The following LPP variants were observed in gnomAD, a reference collection of about 807,000 sequenced individuals.
LPP encodes lipoma-preferred partner.
Under a neutral mutation model 60.4 loss-of-function variants are expected in LPP, and 38 were observed. The ratio of observed to expected loss-of-function variants is 0.63; its 90% confidence interval spans 0.49 to 0.83. LPP has a LOEUF of 0.83. Among genes scored for constraint, LPP ranks in the 40% least tolerant of loss-of-function variants. The pLI is 0.00. For synonymous variants in LPP, 328 were observed against 290.8 expected, an observed-to-expected ratio of 1.13 and a Z score of -1.30; for missense variants, 902 against 783.6, an observed-to-expected ratio of 1.15 and a Z score of -1.80.
Position 188,876,774 on chromosome 3 carries a change from A to G in LPP, c.*2295A>G, listed in dbSNP as rs1002981778. 14 of 185,210 alleles carry G rather than the reference A, an allele frequency of 7.6e-5. No homozygotes were observed. Among genetic ancestry groups the G allele is most frequent in the Admixed American group, 7.5e-4 (12 of 16,086 alleles). The allele number at this position is 185,210 out of a possible 1,614,324, so 11.5% of individuals were successfully genotyped here. A position where few individuals can be genotyped will look rare whatever the true frequency, so the allele number is the denominator to read the frequency against. ...AAGAAGAAGAATTTATTGAATATTTATACTATAAAATGCAGTAACATTCTA... is the reference window on the plus strand; with the variant it reads ...AAGAAGAAGAATTTATTGAATATTTGTACTATAAAATGCAGTAACATTCTA... On this transcript the variant is annotated 3_prime_UTR_variant, in exon 12 of 12. Transcript: ENST00000617246.
At chr3:188,502,905 A>G (rs1812318482) in intron 5 of LPP, among the ~76,000 whole-genome samples, 1 of 152,120 alleles carries the variant, frequency 6.6e-6, no homozygotes, top group African/African-American at 2.4e-5. Context: ...GACAGAATAG[A>G]TGCTTCAAGT....
chr3:188,188,522 C>G lies in LPP; in HGVS notation c.-190+34270C>G, dbSNP rs564661342. ...GAAGTGTTATTCAGCATGATCATCTCCAACTGGATCATCACCCTTATTCAC... is the reference window on the plus strand; with the variant it reads ...GAAGTGTTATTCAGCATGATCATCTGCAACTGGATCATCACCCTTATTCAC... On this transcript the variant is annotated intron_variant, in intron 1 of 11. Coordinates refer to ENST00000617246, the MANE Select transcript of LPP (RefSeq NM_001375462.1). 8.8e-4 allele frequency among the ~76,000 whole-genome samples: 134 copies of G among 151,844 alleles called. 1 individual carries two copies. Among genetic ancestry groups the G allele is most frequent in the African/African-American group, 3.1e-3 (130 of 41,374 alleles).
rs10708836 is a variant in LPP, at chr3:188,318,753, C to CTTT, written c.-66-22889_-66-22887dup. Among the ~76,000 whole-genome samples, 167 of 96,836 alleles carry CTTT rather than the reference C, an allele frequency of 1.7e-3. 2 individuals carry two copies. The highest frequency in any genetic ancestry group is 2.8e-3 in the South Asian group (8 of 2,828). The allele number at this position is 96,836 out of a possible 152,430, so 63.5% of individuals were successfully genotyped here. A position where few individuals can be genotyped will look rare whatever the true frequency, so the allele number is the denominator to read the frequency against. ...AAAAAATTGAAAAAAAATTATGATT[C>CTTT]TTTTTTTTTTTTTTTTTTTTTTTGA... On this transcript the variant is annotated intron_variant, in intron 2 of 11. Coordinates refer to ENST00000617246, the MANE Select transcript of LPP (RefSeq NM_001375462.1).
At chr3:188,636,273 C>T (rs1848732156) in intron 7 of LPP, among the ~76,000 whole-genome samples, 1 of 152,200 alleles carries the variant, frequency 6.6e-6, no homozygotes, top group Non-Finnish European at 1.5e-5. Flanking sequence ...AGTTCCCTTT[C>T]CTAACCAAAG....
At chr3:188,380,048 C>A (rs1034258765) in intron 3 of LPP, among the ~76,000 whole-genome samples, 2 of 152,008 alleles carry the variant, frequency 1.3e-5, no homozygotes, top group Non-Finnish European at 2.9e-5. Flanking sequence ...TATTTTTCTC[C>A]CCCATAATGA....
chr3:188,164,560 A>G (rs988234596), intron 1 of LPP, among the ~76,000 whole-genome samples: 3 of 152,218 alleles, frequency 2.0e-5, no homozygotes, highest in Admixed American at 6.5e-5. Context: ...AGGAAGTGCA[A>G]TAAAGAGTTG....
At chr3:188,865,645 A>G (rs905044166) in intron 9 of LPP, among the ~76,000 whole-genome samples, 4 of 151,910 alleles carry the variant, frequency 2.6e-5, no homozygotes, top group South Asian at 2.1e-4. Context: ...TCAAGGGTCA[A>G]CAAACTATGC....
At chr3:188,791,266 GCT>G (rs1743645807) in intron 9 of LPP, among the ~76,000 whole-genome samples, 1 of 152,134 alleles carries the variant, frequency 6.6e-6, no homozygotes, top group Admixed American at 6.5e-5. Flanking sequence ...ACATTTCTAT[GCT>G]TTTCTCTTAC....
intron 8 of LPP, among the ~76,000 whole-genome samples, chr3:188,731,262 A>T (rs774281063): frequency 5.9e-5 from 9 of 152,088 alleles, no homozygotes; most frequent in Non-Finnish European, 1.0e-4. Context: ...CTTTGCATAG[A>T]TTCTAATCTT....
intron 9 of LPP, among the ~76,000 whole-genome samples, chr3:188,849,181 A>G (rs1294961544): frequency 2.0e-5 from 3 of 152,256 alleles, no homozygotes; most frequent in East Asian, 1.9e-4. Flanking sequence ...GTGCCATTCC[A>G]GTGCACTGAG....
At chr3:188,371,641 A>ATATATATATATATATTT (rs1553878071) in intron 3 of LPP, among the ~76,000 whole-genome samples, 2 of 32,172 alleles carry the variant, frequency 6.2e-5, no homozygotes, top group African/African-American at 1.2e-4. Context: ...ATATATATAT[A>ATATATATATATATATTT]TTTTTTTTTT....
At chr3:188,349,445 T>A (rs2150775213) in intron 3 of LPP, among the ~76,000 whole-genome samples, 1 of 152,314 alleles carries the variant, frequency 6.6e-6, no homozygotes, top group Middle Eastern at 3.4e-3. Context: ...GCTGGGGCCA[T>A]CAAAACGTGT....
chr3:188,204,808 CCA>C (rs1293343875), intron 1 of LPP, among the ~76,000 whole-genome samples: 7 of 152,174 alleles, frequency 4.6e-5, no homozygotes, highest in African/African-American at 1.7e-4. Flanking sequence ...TCTTTATCCT[CCA>C]CAGTCTTGGG....
intron 2 of LPP, among the ~76,000 whole-genome samples, chr3:188,277,833 T>G (rs1740528399): frequency 6.6e-6 from 1 of 152,180 alleles, no homozygotes; most frequent in Non-Finnish European, 1.5e-5. Flanking sequence ...GACCACAGAT[T>G]TCTGCTAAAG....
chr3:188,380,016 G>A (rs1776432555), intron 3 of LPP, among the ~76,000 whole-genome samples: 1 of 152,080 alleles, frequency 6.6e-6, no homozygotes, highest in Admixed American at 6.5e-5. Flanking sequence ...TTTGAGAGGG[G>A]AATGATATGA....
intron 2 of LPP, among the ~76,000 whole-genome samples, chr3:188,255,569 T>C (rs1302068796): frequency 6.6e-6 from 1 of 152,218 alleles, no homozygotes; most frequent in Non-Finnish European, 1.5e-5. Flanking sequence ...TGGTTAGTTG[T>C]ATACACAGTT....
At chr3:188,584,886 C>A (rs773708189) in intron 6 of LPP, among the ~76,000 whole-genome samples, 17 of 152,056 alleles carry the variant, frequency 1.1e-4, no homozygotes, top group Non-Finnish European at 1.8e-4. Context: ...ATTTATCCCT[C>A]CCTGAAAAAT....
At chr3:188,432,971 G>A (rs1322673131) in intron 4 of LPP, among the ~76,000 whole-genome samples, 1 of 152,126 alleles carries the variant, frequency 6.6e-6, no homozygotes, top group East Asian at 1.9e-4. Context: ...GTGCAGGATA[G>A]GAATGAACAA....
intron 4 of LPP, among the ~76,000 whole-genome samples, chr3:188,453,185 C>A (rs1488799741): frequency 6.6e-6 from 1 of 152,144 alleles, no homozygotes; most frequent in Non-Finnish European, 1.5e-5. Flanking sequence ...TATGAATCTA[C>A]TTCCCCATCT....
Sources: allele counts gnomAD v4.1 joint callset (sites outside exome capture counted in the v4.1 genomes callset), GRCh38; gene constraint gnomAD v4.1.1; transcripts MANE v1.5; gene names NCBI Gene and HGNC (gene_info 2026-07-23, HGNC 2026-07-21).